Variants in ATG2B observed in about 807,000 individuals in gnomAD.
The protein encoded by ATG2B is autophagy-related protein 2 homolog B.
A neutral mutation model predicts 241.3 loss-of-function variants in ATG2B; 121 were observed. The ratio of observed to expected loss-of-function variants is 0.50; its 90% CI spans 0.43 to 0.58. ATG2B has a LOEUF of 0.58. ATG2B is among the 20% of genes least tolerant of loss of function. The pLI is 0.00. For synonymous variants in ATG2B, 858 were observed against 876.6 expected (o/e 0.98, Z 0.37); for missense variants, 2,306 against 2,491.6 (o/e 0.93, Z 1.59).
At chr14:96,307,016 A>G in intron 29 of ATG2B, 100 bp from the exon 30 acceptor site, 1 of 948,072 alleles carries the variant, frequency 1.1e-6, no homozygotes, top group Non-Finnish European at 1.6e-6. Context: ...TTTTACCTGC[A>G]ATATCTCATT....
intron 1 of ATG2B, among the ~76,000 whole-genome samples, chr14:96,351,127 T>C (rs1888307130): frequency 6.6e-6 from 1 of 152,212 alleles, no homozygotes; most frequent in Admixed American, 6.5e-5. Flanking sequence ...TCAATTCTCA[T>C]CTACTGATTT....
At chr14:96,291,141 A>G (rs1041118506) in intron 38 of ATG2B, among the ~76,000 whole-genome samples, 1 of 152,186 alleles carries the variant, frequency 6.6e-6, no homozygotes. Context: ...CTAAATATAC[A>G]TATACATACA....
chr14:96,344,491 G>T lies in ATG2B; in HGVS notation c.581+163C>A, dbSNP rs138757563. Among the ~76,000 whole-genome samples the T allele has an allele frequency of 5.4e-3, 819 of 152,174 alleles. 27 individuals are homozygous for T. The South Asian group carries it at 0.067, about 12-fold the overall frequency. ...ACTGGCACTTTCAAGTTTTCAATAA[G>T]GGAATTAGAATAATAAAATTAGCAA... On this transcript the variant is annotated intron_variant, in intron 4 of 41. Coordinates refer to ENST00000359933, the MANE Select transcript of ATG2B (RefSeq NM_018036.7).
intron 38 of ATG2B, 81 bp downstream of exon 38, chr14:96,291,519 C>T (rs1041178499): frequency 7.7e-6 from 8 of 1,038,938 alleles, no homozygotes; most frequent in African/African-American, 6.4e-5. Context: ...TGTATGCATG[C>T]TAAGAAAACT....
chr14:96,311,054 C>T (rs1045875676), intron 28 of ATG2B, 63 bp downstream of exon 28: 25 of 1,422,264 alleles, frequency 1.8e-5, no homozygotes, highest in Non-Finnish European at 2.3e-5. Flanking sequence ...GTCATGAAGA[C>T]CTCAATAATG....
intron 15 of ATG2B, among the ~76,000 whole-genome samples, chr14:96,324,412 G>A (rs1226547116): frequency 1.3e-5 from 2 of 152,252 alleles, no homozygotes; most frequent in East Asian, 1.9e-4. Context: ...CGGGCTGGGC[G>A]CGGTGACTCA....
At chr14:96,339,487 C>T (rs1248574626) in intron 6 of ATG2B, among the ~76,000 whole-genome samples, 3 of 151,684 alleles carry the variant, frequency 2.0e-5, no homozygotes, top group Non-Finnish European at 4.4e-5. Context: ...CATATATATA[C>T]ACCATATACA....
rs115202077 is a variant in ATG2B, at chr14:96,323,034, C to T, written c.2541-299G>A. 1.1e-3 allele frequency among the ~76,000 whole-genome samples: 161 copies of T among 152,278 alleles called. 1 individual carries two copies. Among genetic ancestry groups the T allele is most frequent in the African/African-American group, 3.7e-3 (153 of 41,568 alleles). Reference sequence around the variant, plus strand: ...AGTCAGCAAACTTTACCTAAGGATTCTAGTTATCATTAAACCAAATCTTCT... The same window carrying T: ...AGTCAGCAAACTTTACCTAAGGATTTTAGTTATCATTAAACCAAATCTTCT... On this transcript the variant is annotated intron_variant, in intron 16 of 41. Coordinates refer to ENST00000359933, the MANE Select transcript of ATG2B (RefSeq NM_018036.7).
In ATG2B at chr14:96,334,504, T is replaced by G; in HGVS notation, c.925-3A>C. 1.3e-6 allele frequency: 2 copies of G among 1,560,826 alleles called. No homozygotes were observed. The highest frequency in any genetic ancestry group is 1.7e-6 in the Non-Finnish European group (2 of 1,149,938). On this transcript the variant is annotated splice_region_variant and splice_polypyrimidine_tract_variant and intron_variant, in intron 6 of 41. Transcript: ENST00000359933. ...TCTATCTGTCCATCAACATCCAACT[T>G]AAGGGAAAAAAAAAAACTATTCATG...
intron 14 of ATG2B, among the ~76,000 whole-genome samples, chr14:96,326,336 A>T (rs961933820): frequency 6.6e-6 from 1 of 152,216 alleles, no homozygotes; most frequent in Non-Finnish European, 1.5e-5. Context: ...GATTTTAAAT[A>T]CTCAATGTGA....
At chr14:96,298,670 A>G (rs1408477024) in intron 34 of ATG2B, among the ~76,000 whole-genome samples, 1 of 152,220 alleles carries the variant, frequency 6.6e-6, no homozygotes, top group Admixed American at 6.5e-5. Flanking sequence ...AGCCAAGTAC[A>G]ATTCCATTTA....
chr14:96,322,533 C>G lies in ATG2B; in HGVS notation c.2736+7G>C, dbSNP rs766813494. On this transcript the variant is annotated splice_region_variant and intron_variant, in intron 17 of 41. Transcript: ENST00000359933. ...ATTATTCCTTTGTAGCTTGCTCACA[C>G]TTTTACCTGTTCATTTTCAAACATT... 1 of 1,608,526 alleles carries G rather than the reference C, an allele frequency of 6.2e-7. No individual in the cohort carries two copies. The highest frequency in any genetic ancestry group is 1.7e-5 in the Admixed American group (1 of 59,428).
At chr14:96,330,054 A>G (rs578198249) in intron 11 of ATG2B, among the ~76,000 whole-genome samples, 13 of 151,578 alleles carry the variant, frequency 8.6e-5, no homozygotes, top group African/African-American at 2.4e-4. Flanking sequence ...AAAATGGGAA[A>G]AAAAAAAAAA....
intron 34 of ATG2B, among the ~76,000 whole-genome samples, chr14:96,296,768 A>C (rs1211808063): frequency 6.6e-6 from 1 of 152,000 alleles, no homozygotes; most frequent in Non-Finnish European, 1.5e-5. Context: ...CTCAAAAAAA[A>C]AAAAAAAACC....
chr14:96,300,109 T>A (rs2139845190), intron 34 of ATG2B, among the ~76,000 whole-genome samples: 1 of 152,336 alleles, frequency 6.6e-6, no homozygotes, highest in South Asian at 2.1e-4. Flanking sequence ...TTCCTCAAGG[T>A]AGTCATAAAA....
At position 96,339,209 on chromosome 14, in the gene ATG2B, A is replaced by G. The variant is rs530318920; in HGVS notation, c.924+2313T>C. ...GTAAACTTGTACAACTATTATGGAA[A>G]GCAGTATGGAAATTCCTTAAAAAAC... On this transcript the variant is annotated intron_variant, in intron 6 of 41. Transcript: ENST00000359933. 3.0e-4 allele frequency among the ~76,000 whole-genome samples: 46 copies of G among 152,172 alleles called. No homozygotes were observed. In the South Asian group the frequency reaches 8.7e-3, roughly 29 times the overall value.
In ATG2B at chr14:96,305,681, G is replaced by T; in HGVS notation, c.4641C>A (p.Arg1547=). Residue 1547 remains arginine, a synonymous_variant, in exon 31 of 42, where the codon CGC becomes CGA. Coordinates refer to ENST00000359933, the MANE Select transcript of ATG2B (RefSeq NM_018036.7). ...APLHFPIPVI[R]YVVKEVSLVW... is the part of the protein sequence containing the mutation. ...CAAGAGAGACCTCCTTCACCACATA[G>T]CGAATCACAGGAATGGGAAAGTGTA... The T allele has an allele frequency of 1.9e-6, 3 of 1,614,130 alleles. No individual in the cohort carries two copies. Among genetic ancestry groups the T allele is most frequent in the Non-Finnish European group, 2.5e-6 (3 of 1,180,004 alleles).
intron 18 of ATG2B, among the ~76,000 whole-genome samples, chr14:96,321,265 T>C (rs2139869314): frequency 6.6e-6 from 1 of 152,304 alleles, no homozygotes; most frequent in Middle Eastern, 3.4e-3. Context: ...CAGTCTGAAG[T>C]TTCTGAAGAT....
chr14:96,344,261 G>A (rs1309313554), intron 4 of ATG2B, among the ~76,000 whole-genome samples: 1 of 152,198 alleles, frequency 6.6e-6, no homozygotes, highest in Non-Finnish European at 1.5e-5. Flanking sequence ...GCAGCACTTA[G>A]ATTAAGCACA....
Sources: allele counts gnomAD v4.1 joint callset (sites outside exome capture counted in the v4.1 genomes callset), GRCh38; gene constraint gnomAD v4.1.1; transcripts MANE v1.5; gene names NCBI Gene and HGNC (gene_info 2026-07-23, HGNC 2026-07-21).